Variants in TANC1 observed in about 807,000 individuals in gnomAD.
The protein encoded by TANC1 is protein TANC1.
TANC1 carries 77 observed loss-of-function variants against 149.7 expected under a neutral mutation model. The observed-to-expected ratio is 0.51, with a 90% CI of 0.43 to 0.62. The LOEUF (loss-of-function observed/expected upper bound fraction) is 0.62. Ranked by LOEUF, TANC1 falls within the 20% of genes least tolerant of loss-of-function variation. The pLI is 0.00. For missense variants in TANC1, 1,985 were observed against 2,321.8 expected (o/e 0.85, Z 2.98); for synonymous variants, 854 against 925.0 (o/e 0.92, Z 1.39).
rs576688096 is a variant in TANC1 at position 158,971,685 on chromosome 2, C to G, written c.-126+2903C>G. On this transcript the variant is annotated intron_variant, in intron 1 of 26. Transcript: ENST00000263635. ...TCATCCCTAAAATGGGATTACCTTG[C>G]ATCCCTAAAGTTCTGTGACTCTCCA... Among the ~76,000 whole-genome samples, 33 of 152,272 alleles carry G rather than the reference C, an allele frequency of 2.2e-4. 1 individual carries two copies. The South Asian group carries it at 6.8e-3, about 32-fold the overall frequency.
chr2:159,152,648 C>G (rs1176759520), intron 7 of TANC1, among the ~76,000 whole-genome samples: 1 of 152,040 alleles, frequency 6.6e-6, no homozygotes, highest in Admixed American at 6.6e-5. Flanking sequence ...TGCCACCACA[C>G]TTAGCTCATT....
chr2:159,056,260 A>G, intron 2 of TANC1: 1 of 229,598 alleles, frequency 4.4e-6, no homozygotes. Flanking sequence ...TCAGTTGTTC[A>G]GGTAGCTGTT....
chr2:159,085,998 A>C (rs2044801790), intron 3 of TANC1, among the ~76,000 whole-genome samples: 1 of 152,152 alleles, frequency 6.6e-6, no homozygotes, highest in Non-Finnish European at 1.5e-5. Flanking sequence ...TTGGTGAGTA[A>C]TTGGGATGGA....
chr2:158,996,435 C>T (rs1282381581), intron 1 of TANC1, among the ~76,000 whole-genome samples: 1 of 152,200 alleles, frequency 6.6e-6, no homozygotes, highest in East Asian at 1.9e-4. Context: ...AAATGCCATA[C>T]TTTTTGCTGT....
At chr2:159,044,954 C>T (rs2040928081) in intron 2 of TANC1, among the ~76,000 whole-genome samples, 1 of 152,240 alleles carries the variant, frequency 6.6e-6, no homozygotes, top group Admixed American at 6.5e-5. Context: ...CTCCCCAGAA[C>T]TTTGCGGGAT....
At chr2:159,098,302 G>A (rs2046339302) in intron 4 of TANC1, among the ~76,000 whole-genome samples, 2 of 152,178 alleles carry the variant, frequency 1.3e-5, no homozygotes, top group South Asian at 4.1e-4. Flanking sequence ...ATAGTAACGT[G>A]CTGTACAGGT....
intron 2 of TANC1, among the ~76,000 whole-genome samples, chr2:159,013,562 C>T (rs1337872658): frequency 1.2e-4 from 19 of 152,278 alleles, no homozygotes; most frequent in Non-Finnish European, 2.2e-4. Context: ...GGGGTAAGAT[C>T]TTTGCAGGAG....
rs772805436 is a variant in TANC1, at chr2:159,170,792, T to C, written c.1338T>C (p.Gly446=). 33 of 1,613,702 alleles carry C rather than the reference T, an allele frequency of 2.0e-5. No homozygotes were observed. Among genetic ancestry groups the C allele is most frequent in the Non-Finnish European group, 2.6e-5 (31 of 1,179,710 alleles). Residue 446 remains glycine, a synonymous_variant, in exon 10 of 27, where the codon GGT becomes GGC. Transcript: ENST00000263635. ...GGCAGATTGCTTCCAACAGCCCGGG[T>C]TCATCACCTAAAAGTACGTGCATGT... ...RMRQIASNSP[G]SSPKTSDPTQ...
At chr2:158,969,724 A>C (rs1160273231) in intron 1 of TANC1, among the ~76,000 whole-genome samples, 2 of 152,184 alleles carry the variant, frequency 1.3e-5, no homozygotes, top group Non-Finnish European at 2.9e-5. Flanking sequence ...AACTTACTGG[A>C]CTTATTGTGT....
chr2:159,063,343 C>T (rs1282726027), intron 2 of TANC1, among the ~76,000 whole-genome samples: 1 of 152,162 alleles, frequency 6.6e-6, no homozygotes, highest in Non-Finnish European at 1.5e-5. Flanking sequence ...GGGTCTATTC[C>T]TATAAATGCT....
At chr2:158,984,777 G>A (rs77468890) in intron 1 of TANC1, among the ~76,000 whole-genome samples, 10,184 of 152,078 alleles carry the variant, frequency 0.067, 417 homozygotes, top group Non-Finnish European at 0.085. Context: ...AGGGTGAGAG[G>A]CTTTCTAGAG....
At chr2:159,201,141 T>C (rs1427828182) in intron 19 of TANC1, among the ~76,000 whole-genome samples, 3 of 152,214 alleles carry the variant, frequency 2.0e-5, no homozygotes, top group Non-Finnish European at 4.4e-5. Context: ...TCTGGTACCT[T>C]TCTCTTGTGC....
rs765343317 is a variant in TANC1, at chr2:159,196,631, C to T, written c.3003C>T (p.Gly1001=). 2.7e-5 allele frequency: 43 copies of T among 1,605,826 alleles called. No individual in the cohort carries two copies. Among genetic ancestry groups the T allele is most frequent in the Non-Finnish European group, 3.4e-5 (40 of 1,174,528 alleles). The change falls in exon 18 of 27, where the codon GGC becomes GGT. Residue 1001 remains glycine (G), a synonymous_variant. Transcript: ENST00000263635. ...GVRVDHLDKK[G]QCALVHSALR... ...AGGTGGACCACTTGGATAAGAAGGGCCAGTGTGCGCTTGTCCACAGTGCCC... is the reference window on the plus strand; with the variant it reads ...AGGTGGACCACTTGGATAAGAAGGGTCAGTGTGCGCTTGTCCACAGTGCCC...
chr2:159,115,664 A>G (rs1333013889), intron 4 of TANC1, among the ~76,000 whole-genome samples: 1 of 152,144 alleles, frequency 6.6e-6, no homozygotes, highest in Admixed American at 6.5e-5. Flanking sequence ...ATATCCTGGC[A>G]TACCCTTAAC....
chr2:159,185,530 G>T (rs1036197419), intron 14 of TANC1, among the ~76,000 whole-genome samples: 5 of 152,170 alleles, frequency 3.3e-5, no homozygotes, highest in African/African-American at 1.2e-4. Context: ...ATCCTGAGGG[G>T]ACCTGAAGGC....
chr2:159,169,397 A>G, intron 9 of TANC1, 25 bp downstream of exon 9: 2 of 1,611,900 alleles, frequency 1.2e-6, no homozygotes, highest in Non-Finnish European at 1.7e-6. Flanking sequence ...ATCAGCTGCG[A>G]TAATGGTTAT....
At chr2:159,132,330 A>T (rs1401670944) in intron 4 of TANC1, among the ~76,000 whole-genome samples, 1 of 151,972 alleles carries the variant, frequency 6.6e-6, no homozygotes, top group Non-Finnish European at 1.5e-5. Context: ...CATTACTGTG[A>T]TTTAGTGTGC....
At chr2:159,026,488 A>G (rs1476850113) in intron 2 of TANC1, among the ~76,000 whole-genome samples, 1 of 152,048 alleles carries the variant, frequency 6.6e-6, no homozygotes, top group African/African-American at 2.4e-5. Context: ...GCCTTTAATT[A>G]TGTGCTGTTT....
intron 1 of TANC1, among the ~76,000 whole-genome samples, chr2:158,996,168 T>G (rs912844337): frequency 3.9e-5 from 6 of 152,158 alleles, no homozygotes; most frequent in African/African-American, 1.4e-4. Flanking sequence ...CTGGGCAACA[T>G]AGTAAGACCC....
Sources: gnomAD v4.1 joint callset for allele counts (sites outside exome capture counted in the v4.1 genomes callset) on GRCh38, gnomAD v4.1.1 for gene constraint, MANE v1.5 for transcripts, NCBI Gene and HGNC (gene_info 2026-07-23, HGNC 2026-07-21) for gene names.